The following PPP2R3B variants were observed in gnomAD, a reference collection of about 807,000 sequenced individuals.
PPP2R3B encodes protein phosphatase 2 regulatory subunit B''beta, also known as serine/threonine-protein phosphatase 2A regulatory subunit B'' subunit beta.
In PPP2R3B, 68 loss-of-function variants were observed where a neutral mutation model predicts 72.9. The ratio of observed to expected loss-of-function variants is 0.93; its 90% CI spans 0.77 to 1.14. PPP2R3B has a LOEUF of 1.14. Ranked by LOEUF, PPP2R3B falls within the 50% of genes most tolerant of loss-of-function variation. The pLI is 0.00. For missense variants in PPP2R3B, 1,018 were observed against 842.0 expected, an observed-to-expected ratio of 1.21 and a Z score of -2.59; for synonymous variants, 466 against 375.8, an observed-to-expected ratio of 1.24 and a Z score of -2.78.
intron 8 of PPP2R3B, chrX:341,636 G>C (rs1479547614): frequency 1.6e-6 from 1 of 644,708 alleles, no homozygotes; most frequent in Non-Finnish European, 2.7e-6. Flanking sequence ...CTCAGGCCCA[G>C]CGCCCGACAA....
chrX:371,435 G>A (rs1428843685), intron 1 of PPP2R3B, among the ~76,000 whole-genome samples: 2 of 152,146 alleles, frequency 1.3e-5, no homozygotes, highest in African/African-American at 4.8e-5. Context: ...GAAGTGGGCA[G>A]TGGCAGGGAG....
rs1204461456 is a variant in PPP2R3B, at chrX:345,524, T to C, written c.1028A>G (p.Asn343Ser). The C allele has an allele frequency of 2.9e-5, 47 of 1,612,246 alleles. No individual in the cohort carries two copies. In the East Asian group the frequency reaches 4.5e-4, roughly 15 times the overall value. ...CCTGTGCCCCCACGCACCGTGGTCA[T>C]TGTGCCGCGCCAGGTCGTCCGCGTC... ...LIDADDLARH[N>S]DHALSTKMID... The change falls in exon 7 of 13, where the codon AAT becomes AGT. Residue 343 changes from asparagine to serine, a missense_variant. Asn to Ser is a conservative substitution (Grantham distance 46). Transcript: ENST00000390665.
At chrX:334,972 A>G (rs2070849423) in intron 12 of PPP2R3B, 1 of 159,302 alleles carries the variant, frequency 6.3e-6, no homozygotes, top group Non-Finnish European at 1.4e-5. Flanking sequence ...CGAGGACTGG[A>G]CGCGCGCCTT....
At position 345,236 on chromosome X, in the gene PPP2R3B, G is replaced by A. The variant is rs1490429782; in HGVS notation, c.1036+280C>T. 6 of 667,422 alleles carry A rather than the reference G, an allele frequency of 9.0e-6. No individual in the cohort carries two copies. The East Asian group carries it at 1.8e-4, about 19-fold the overall frequency. The allele number at this position is 667,422 out of a possible 1,614,324, so 41.3% of individuals were successfully genotyped here. On this transcript the variant is annotated intron_variant, in intron 7 of 12. Coordinates refer to ENST00000390665, the MANE Select transcript of PPP2R3B (RefSeq NM_013239.5). ...AACAAGGAAGCCCCACAGCGCTGCT[G>A]GCCCTCGGGCCAGGAGCTTCAGGAC...
At position 346,261 on chromosome X, in the gene PPP2R3B, C is replaced by CTGCGGGGG. The variant is rs1298938352; in HGVS notation, c.793-9_793-2dup. The CTGCGGGGG allele has an allele frequency of 6.4e-7, 1 of 1,564,350 alleles. No homozygotes were observed. The highest frequency in any genetic ancestry group is 8.6e-7 in the Non-Finnish European group (1 of 1,156,346). ...CGGCGTAGAAGATCCGCTGGATGAC[C>CTGCGGGGG]TGCGGGGGCGCTGTCAGTGCGGTGG... On this transcript the variant is annotated splice_acceptor_variant, in intron 5 of 12. Transcript: ENST00000390665. LOFTEE classifies it high-confidence loss of function.
chrX:361,408 G>C lies in PPP2R3B; in HGVS notation c.507C>G (p.Ala169=). 6.2e-7 allele frequency: 1 copy of C among 1,613,946 alleles called. No individual in the cohort carries two copies. The change falls in exon 2 of 13, where the codon GCC becomes GCG. Residue 169 remains alanine (A), a synonymous_variant. Coordinates refer to ENST00000390665, the MANE Select transcript of PPP2R3B (RefSeq NM_013239.5). ...ACGTCCCACGCGTGACACGTACCTT[G>C]GCCACCAGGCCCATGTCATCCATGG... ...RATMDDMGLV[A]KACGCPLYWK... is the part of the protein sequence containing the mutation.
In PPP2R3B at chrX:338,854, T is replaced by G. The variant is rs779875054; in HGVS notation, c.1394A>C (p.Asn465Thr). ...GTTGAAGAAGGTGTCGAAGAAGACG[T>G]TAGCCAGCTTGCAGCGCTTCAGGTC... ...LQDLKRCKLANVFFDTFFNIE... is the reference protein window; with the variant it reads ...LQDLKRCKLATVFFDTFFNIE... Residue 465 changes from asparagine (N) to threonine (T), a missense_variant, in exon 11 of 13, where the codon AAC becomes ACC. By Grantham distance (65) the Asn-to-Thr change is moderately conservative. Coordinates refer to ENST00000390665, the MANE Select transcript of PPP2R3B (RefSeq NM_013239.5). 1 of 1,612,458 alleles carries G rather than the reference T, an allele frequency of 6.2e-7. No individual in the cohort carries two copies. Among genetic ancestry groups the G allele is most frequent in the Non-Finnish European group, 8.5e-7 (1 of 1,179,694 alleles).
rs1187069335 is a variant in PPP2R3B at position 361,484 on chromosome X, A to C, written c.431T>G (p.Val144Gly). ...RPQDSVNVDA[V>G]ISKIESTFAR... ...GAAGGTGCTCTCGATCTTGCTGATGACGGCATCCACGTTGACGGAGTCCTG... is the reference window on the plus strand; with the variant it reads ...GAAGGTGCTCTCGATCTTGCTGATGCCGGCATCCACGTTGACGGAGTCCTG... The change falls in exon 2 of 13, where the codon GTC (valine) becomes GGC (glycine). Residue 144 changes from valine (V) to glycine (G), a missense_variant. Val to Gly is a moderately radical substitution (Grantham distance 109). Coordinates refer to ENST00000390665, the MANE Select transcript of PPP2R3B (RefSeq NM_013239.5). 3 of 1,613,932 alleles carry C rather than the reference A, an allele frequency of 1.9e-6. No individual in the cohort carries two copies. The highest frequency in any genetic ancestry group is 2.5e-6 in the Non-Finnish European group (3 of 1,179,862).
chrX:358,039 AC>A (rs1356920732), intron 2 of PPP2R3B, among the ~76,000 whole-genome samples: 2 of 151,986 alleles, frequency 1.3e-5, no homozygotes, highest in African/African-American at 4.8e-5. Flanking sequence ...GCCAAAGTCC[AC>A]CCGCCTGACA....
chrX:350,222 A>G (rs558546797), intron 2 of PPP2R3B, among the ~76,000 whole-genome samples: 2 of 152,318 alleles, frequency 1.3e-5, no homozygotes, highest in African/African-American at 4.8e-5. Flanking sequence ...ACAGGCAAAG[A>G]CACTTCACAC....
chrX:363,619 T>C (rs2071606178), intron 1 of PPP2R3B, among the ~76,000 whole-genome samples: 1 of 102,270 alleles, frequency 9.8e-6, no homozygotes, highest in African/African-American at 4.2e-5. Flanking sequence ...CCACAATGCA[T>C]CTCCCCGAGC....
intron 9 of PPP2R3B, 24 bp from the exon 10 acceptor site, chrX:340,964 G>A (rs771629563): frequency 7.5e-6 from 12 of 1,603,364 alleles, no homozygotes; most frequent in Non-Finnish European, 1.0e-5. Flanking sequence ...AGCTCTGTCA[G>A]CCCCTGCCCT....
At chrX:340,335 C>T (rs975038555) in intron 10 of PPP2R3B, among the ~76,000 whole-genome samples, 4 of 151,200 alleles carry the variant, frequency 2.6e-5, no homozygotes, top group Non-Finnish European at 4.4e-5. Context: ...CGGGGGGTGT[C>T]GACGCCCCGA....
Position 386,251 on chromosome X carries a change from A to AT in PPP2R3B, c.324+116_324+117insA, listed in dbSNP as rs772495456. On this transcript the variant is annotated intron_variant, in intron 1 of 12. Coordinates refer to ENST00000390665, the MANE Select transcript of PPP2R3B (RefSeq NM_013239.5). Reference sequence around the variant, plus strand: ...GGGGGTCGGGGCGGGGAACAGACTCAATATGAAACCGTTTTGGGGTCTGAC... The same window carrying AT: ...GGGGGTCGGGGCGGGGAACAGACTCATATATGAAACCGTTTTGGGGTCTGAC... The AT allele has an allele frequency of 1.5e-3, 1,243 of 813,958 alleles. 21 individuals are homozygous for AT. In the African/African-American group the frequency reaches 0.02, roughly 13 times the overall value. The allele number at this position is 813,958 out of a possible 1,614,324, so 50.4% of individuals were successfully genotyped here.
chrX:338,794 T>C lies in PPP2R3B; in HGVS notation c.1454A>G (p.Gln485Arg). The C allele has an allele frequency of 6.2e-7, 1 of 1,612,408 alleles. No individual in the cohort carries two copies. The highest frequency in any genetic ancestry group is 8.5e-7 in the Non-Finnish European group (1 of 1,179,666). Residue 485 changes from glutamine (Q) to arginine (R), a missense_variant, in exon 11 of 13, where the codon CAG becomes CGG. Physicochemically the swap from Gln to Arg is conservative, Grantham distance 43. Transcript: ENST00000390665. ...EKYLDHEQKE[Q>R]ISLLRDGDSG... ...CGCACTCACCCTGAGCAGGGAGATC[T>C]GCTCTTTCTGCTCGTGGTCGAGGTA... is the stretch of plus-strand genomic sequence containing the variant.
rs1262387879 is a variant in PPP2R3B at position 334,386 on chromosome X, T to C, written c.1709A>G (p.Glu570Gly). The C allele has an allele frequency of 6.6e-7, 1 of 1,526,200 alleles. No individual in the cohort carries two copies. Among genetic ancestry groups the C allele is most frequent in the Non-Finnish European group, 8.7e-7 (1 of 1,143,382 alleles). 94.5% of individuals were successfully genotyped at this position (1,526,200 alleles called of 1,614,324 possible). Residue 570 changes from glutamate (E) to glycine (G), a missense_variant, in exon 13 of 13, where the codon GAG becomes GGG. Transcript: ENST00000390665. ...VDLYEYACGD[E>G]DLEPL is the part of the protein sequence containing the mutation. Reference sequence around the variant, plus strand: ...GCGGCGTCACAGCGGCTCCAGGTCCTCGTCCCCGCATGCGTACTCGTACAG... The same window carrying C: ...GCGGCGTCACAGCGGCTCCAGGTCCCCGTCCCCGCATGCGTACTCGTACAG...
At chrX:340,965 C>A (rs1337197658) in intron 9 of PPP2R3B, 25 bp from the exon 10 acceptor site, 3 of 1,604,430 alleles carry the variant, frequency 1.9e-6, no homozygotes, top group East Asian at 2.2e-5. Context: ...GCTCTGTCAG[C>A]CCCTGCCCTG....
At chrX:354,545 T>C (rs1366634689) in intron 2 of PPP2R3B, among the ~76,000 whole-genome samples, 3 of 152,216 alleles carry the variant, frequency 2.0e-5, no homozygotes, top group African/African-American at 7.2e-5. Flanking sequence ...GGCACTTTTA[T>C]AATTTTAAAA....
chrX:384,384 A>C (rs1291223789), intron 1 of PPP2R3B, among the ~76,000 whole-genome samples: 4 of 146,912 alleles, frequency 2.7e-5, no homozygotes, highest in Admixed American at 6.9e-5. Context: ...GTAATCTCCG[A>C]CTCCCAGCTT....
Sources: gnomAD v4.1 joint callset for allele counts (sites outside exome capture counted in the v4.1 genomes callset) on GRCh38, gnomAD v4.1.1 for gene constraint, MANE v1.5 for transcripts, NCBI Gene and HGNC (gene_info 2026-07-23, HGNC 2026-07-21) for gene names.